Variants in RABGAP1 observed in about 807,000 individuals in gnomAD.
RABGAP1 encodes the protein rab GTPase-activating protein 1.
A neutral mutation model predicts 137.6 loss-of-function variants in RABGAP1; 23 were observed. That is an observed-to-expected ratio of 0.17 (90% CI 0.12 to 0.24). The LOEUF is 0.24. Ranked by LOEUF, RABGAP1 falls within the 10% of genes least tolerant of loss-of-function variation. The pLI is 1.00. For missense variants in RABGAP1, 906 were observed against 1,275.8 expected (o/e 0.71, Z 4.42); for synonymous variants, 451 against 450.7 (o/e 1.00, Z -0.01).
At chr9:123,076,974 A>G in intron 19 of RABGAP1, 1 of 211,226 alleles carries the variant, frequency 4.7e-6, no homozygotes, top group Non-Finnish European at 8.4e-6. Context: ...ACTTTCCTAT[A>G]TATTATAATC....
At chr9:122,932,153 G>A in the RABGAP1 span, among the ~76,000 whole-genome samples, 1,216 of 152,258 alleles carry the variant, frequency 8.0e-3, 6 homozygotes, top group South Asian at 0.017. Context: ...GAAAACTTGA[G>A]GATCCTTCTA....
intron 6 of RABGAP1, among the ~76,000 whole-genome samples, chr9:122,994,821 A>G (rs1836933007): frequency 6.6e-6 from 1 of 152,170 alleles, no homozygotes; most frequent in Non-Finnish European, 1.5e-5. Flanking sequence ...TTATTTTGTT[A>G]AACTGTCATT....
At chr9:123,093,662 T>G (rs1306717475) in intron 21 of RABGAP1, among the ~76,000 whole-genome samples, 6 of 152,272 alleles carry the variant, frequency 3.9e-5, no homozygotes, top group Admixed American at 3.9e-4. Flanking sequence ...CTGCTCCGTC[T>G]GTTTCTGTGT....
chr9:122,941,514 T>C (rs1193976504), intron 1 of RABGAP1, among the ~76,000 whole-genome samples: 2 of 152,218 alleles, frequency 1.3e-5, no homozygotes, highest in Admixed American at 6.5e-5. Flanking sequence ...TCACTAGGCC[T>C]GTATCTGTGA....
intron 2 of RABGAP1, among the ~76,000 whole-genome samples, chr9:122,962,648 G>A (rs1407721942): frequency 2.6e-5 from 4 of 152,032 alleles, no homozygotes; most frequent in African/African-American, 7.2e-5. Context: ...TATTTACTAA[G>A]TCCAAGAGAA....
At chr9:123,075,644 GC>G (rs1208335805) in intron 17 of RABGAP1, among the ~76,000 whole-genome samples, 1 of 152,166 alleles carries the variant, frequency 6.6e-6, no homozygotes, top group African/African-American at 2.4e-5. Flanking sequence ...CTGTTAAGTA[GC>G]TACTAAAGGC....
intron 19 of RABGAP1, 36 bp downstream of exon 19, chr9:123,076,798 T>C: frequency 6.7e-7 from 1 of 1,492,300 alleles, no homozygotes; most frequent in Non-Finnish European, 9.0e-7. Context: ...ATTCTGTTTT[T>C]CACTTAGTGT....
chr9:123,037,019 C>T (rs1191061358), intron 13 of RABGAP1, among the ~76,000 whole-genome samples: 1 of 152,140 alleles, frequency 6.6e-6, no homozygotes, highest in Non-Finnish European at 1.5e-5. Context: ...ATTTCCTCTA[C>T]TTTTCTGCTG....
At chr9:122,949,861 A>T (rs1337085599) in intron 1 of RABGAP1, among the ~76,000 whole-genome samples, 1 of 152,210 alleles carries the variant, frequency 6.6e-6, no homozygotes, top group Non-Finnish European at 1.5e-5. Context: ...TGTATCCACT[A>T]GGTTGCTGTT....
intron 10 of RABGAP1, among the ~76,000 whole-genome samples, chr9:123,002,368 A>T (rs1010569709): frequency 8.2e-4 from 89 of 108,512 alleles, no homozygotes; most frequent in Middle Eastern, 4.2e-3. Flanking sequence ...ATATATATAT[A>T]TTTTTTTTTT....
chr9:122,960,219 AACCCTTG>A (rs2131636344), intron 2 of RABGAP1, among the ~76,000 whole-genome samples: 1 of 152,312 alleles, frequency 6.6e-6, no homozygotes, highest in Admixed American at 6.5e-5. Context: ...AACAAATCTC[AACCCTTG>A]ACCTCTGGAA....
chr9:123,037,148 G>T (rs1260527118), intron 13 of RABGAP1, among the ~76,000 whole-genome samples: 2 of 152,138 alleles, frequency 1.3e-5, no homozygotes, highest in African/African-American at 4.8e-5. Context: ...AAACCCAGGG[G>T]ACATGGGTTA....
At position 123,103,118 on chromosome 9, in the gene RABGAP1, C is replaced by G. The variant is rs1394746505; in HGVS notation, c.3115C>G (p.Leu1039Val). 2 of 1,613,974 alleles carry G rather than the reference C, an allele frequency of 1.2e-6. No homozygotes were observed. Among genetic ancestry groups the G allele is most frequent in the African/African-American group, 2.7e-5 (2 of 74,934 alleles). Residue 1039 changes from leucine to valine, a missense_variant, in exon 26 of 26, where the codon CTC (leucine) becomes GTC (valine). Around this residue, in one of 9 missense-constraint regions of RABGAP1, gnomAD observed 193 missense variants for 248.1 expected, o/e 0.78. Coordinates refer to ENST00000373647, the MANE Select transcript of RABGAP1 (RefSeq NM_012197.4). ...QDLEHHLGLA[L>V]NEVQAAKKTW... The stretch of plus-strand genomic sequence containing the variant: ...CTTGGAACACCATTTAGGGCTTGCC[C>G]TCAATGAGGTGCAGGCAGCCAAGAA...
intron 1 of RABGAP1, among the ~76,000 whole-genome samples, chr9:122,950,936 A>G (rs1200312547): frequency 2.0e-5 from 3 of 152,240 alleles, no homozygotes. Flanking sequence ...CAAAAGGATA[A>G]GAGTTTCAGA....
intron 13 of RABGAP1, among the ~76,000 whole-genome samples, chr9:123,049,150 A>T (rs1183523594): frequency 1.3e-5 from 2 of 151,966 alleles, no homozygotes; most frequent in African/African-American, 4.8e-5. Context: ...TGAACATAAT[A>T]CTTATATAAT....
intron 1 of RABGAP1, chr9:122,945,515 A>G (rs139455679): frequency 6.6e-6 from 1 of 152,182 alleles, no homozygotes; most frequent in Non-Finnish European, 1.5e-5. Context: ...ATACAGTGAA[A>G]TAAAGCCCTA....
intron 10 of RABGAP1, among the ~76,000 whole-genome samples, chr9:123,008,281 C>T (rs567314283): frequency 3.3e-5 from 5 of 152,086 alleles, no homozygotes; most frequent in South Asian, 4.1e-4. Context: ...TATTGCTGGC[C>T]GGGCACGGTG....
At chr9:122,952,281 C>T (rs1834293398) in intron 1 of RABGAP1, among the ~76,000 whole-genome samples, 2 of 151,632 alleles carry the variant, frequency 1.3e-5, no homozygotes, top group Admixed American at 1.3e-4. Context: ...TTTTTTGAGA[C>T]AGAGTCTCGC....
chr9:122,988,797 G>T (rs1463827840), intron 4 of RABGAP1, among the ~76,000 whole-genome samples: 1 of 152,004 alleles, frequency 6.6e-6, no homozygotes, highest in Non-Finnish European at 1.5e-5. Context: ...CAAAAAATTA[G>T]CCGGGCATGG....
Sources: allele counts gnomAD v4.1 joint callset (sites outside exome capture counted in the v4.1 genomes callset), GRCh38; gene constraint gnomAD v4.1.1; regional missense constraint gnomAD v4.1.1; transcripts MANE v1.5; gene names NCBI Gene and HGNC (gene_info 2026-07-23, HGNC 2026-07-21).